PTPRD: variants seen among roughly 807,000 people sequenced by gnomAD.
PTPRD encodes the protein receptor-type tyrosine-protein phosphatase delta.
In PTPRD, 34 loss-of-function variants were observed where a neutral mutation model predicts 214.5. The ratio of observed to expected loss-of-function variants is 0.16; its 90% confidence interval spans 0.12 to 0.21. PTPRD has a LOEUF of 0.21. Among genes scored for constraint, PTPRD ranks in the 10% least tolerant of loss-of-function variants. PTPRD has a pLI of 1.00. For missense variants in PTPRD, 2,545 were observed against 2,398.7 expected (o/e 1.06, Z -1.27); for synonymous variants, 1,128 against 845.7 (o/e 1.33, Z -5.79).
At chr9:10,238,076 C>T (rs1031186235) in intron 3 of PTPRD, among the ~76,000 whole-genome samples, 1 of 151,312 alleles carries the variant, frequency 6.6e-6, no homozygotes, top group Non-Finnish European at 1.5e-5. Flanking sequence ...GTGAAAACAA[C>T]GAAATAGAGC....
intron 2 of PTPRD, among the ~76,000 whole-genome samples, chr9:10,487,966 G>C (rs1336786854): frequency 3.4e-4 from 38 of 110,310 alleles, no homozygotes; most frequent in South Asian, 6.6e-4. Flanking sequence ...AATGAACACA[G>C]TCTCTCTCTC....
chr9:9,251,743 G>C (rs913956112), intron 9 of PTPRD, among the ~76,000 whole-genome samples: 1 of 152,050 alleles, frequency 6.6e-6, no homozygotes, highest in African/African-American at 2.4e-5. Flanking sequence ...ACATTTGAAA[G>C]AAGCCAAAAG....
chr9:9,781,141 T>C (rs972665161), intron 5 of PTPRD, among the ~76,000 whole-genome samples: 1 of 152,054 alleles, frequency 6.6e-6, no homozygotes, highest in African/African-American at 2.4e-5. Flanking sequence ...ACCCATAGAA[T>C]GTACAAGAAC....
At chr9:8,420,574 A>T (rs188202009) in intron 35 of PTPRD, among the ~76,000 whole-genome samples, 54 of 152,238 alleles carry the variant, frequency 3.5e-4, no homozygotes, top group African/African-American at 1.3e-3. Context: ...TCAAAAACAA[A>T]ACGATTATAT....
chr9:10,095,939 C>T (rs1443667478), intron 3 of PTPRD, among the ~76,000 whole-genome samples: 1 of 151,606 alleles, frequency 6.6e-6, no homozygotes, highest in Admixed American at 6.6e-5. Context: ...TATCCAATCT[C>T]TCATGCTTAG....
chr9:9,532,935 C>T (rs1450020768), intron 8 of PTPRD, among the ~76,000 whole-genome samples: 1 of 152,116 alleles, frequency 6.6e-6, no homozygotes, highest in East Asian at 1.9e-4. Context: ...TTTGGTTTTA[C>T]CACATTCATT....
chr9:9,947,510 A>G (rs1176157091), intron 4 of PTPRD, among the ~76,000 whole-genome samples: 1 of 29,692 alleles, frequency 3.4e-5, no homozygotes, highest in Non-Finnish European at 5.2e-5. Context: ...TTTTATATAT[A>G]TAATATATAT....
At chr9:8,357,616 G>C (rs546969510) in intron 39 of PTPRD, among the ~76,000 whole-genome samples, 1 of 152,304 alleles carries the variant, frequency 6.6e-6, no homozygotes, top group African/African-American at 2.4e-5. Flanking sequence ...TCCTTAGTAA[G>C]GAACCCACTC....
intron 14 of PTPRD, among the ~76,000 whole-genome samples, chr9:8,609,459 T>C (rs921792856): frequency 8.5e-5 from 13 of 152,194 alleles, no homozygotes; most frequent in African/African-American, 3.1e-4. Flanking sequence ...ATGATAGAAG[T>C]ATCATGAAAA....
At chr9:10,495,686 G>T (rs958939000) in intron 2 of PTPRD, among the ~76,000 whole-genome samples, 2 of 151,690 alleles carry the variant, frequency 1.3e-5, no homozygotes, top group African/African-American at 4.8e-5. Flanking sequence ...TTCCTAAGTG[G>T]AAACATAGAG....
At chr9:9,786,491 T>A (rs1312648298) in intron 5 of PTPRD, among the ~76,000 whole-genome samples, 1 of 152,196 alleles carries the variant, frequency 6.6e-6, no homozygotes, top group Non-Finnish European at 1.5e-5. Flanking sequence ...GTACCATAAA[T>A]GCTAATACTG....
Position 8,408,378 on chromosome 9 carries a change from T to C in PTPRD, c.4087-3718A>G, listed in dbSNP as rs2093219732. 2.6e-5 allele frequency among the ~76,000 whole-genome samples: 4 copies of C among 152,110 alleles called. No homozygotes were observed. In the South Asian group the frequency reaches 6.2e-4, roughly 24 times the overall value. On this transcript the variant is annotated intron_variant, in intron 35 of 45. Transcript: ENST00000381196. ...TTTTCCTGAGCTTGACTCCTAGATA[T>C]GTCTACTCAACTCTGTCCACCCAAA...
intron 7 of PTPRD, among the ~76,000 whole-genome samples, chr9:9,714,755 C>T (rs919066599): frequency 2.0e-5 from 3 of 152,006 alleles, no homozygotes; most frequent in South Asian, 4.1e-4. Flanking sequence ...TGGCAGAGCC[C>T]ATGGAGGTGA....
At chr9:9,908,124 G>GA (rs2078125531) in intron 5 of PTPRD, among the ~76,000 whole-genome samples, 1 of 150,662 alleles carries the variant, frequency 6.6e-6, no homozygotes, top group Non-Finnish European at 1.5e-5. Flanking sequence ...AAAATTAACA[G>GA]AAAAAAAAGT....
chr9:8,746,379 C>T (rs2092810021), intron 11 of PTPRD, among the ~76,000 whole-genome samples: 1 of 152,164 alleles, frequency 6.6e-6, no homozygotes, highest in Admixed American at 6.5e-5. Flanking sequence ...AATAAAAGCA[C>T]TATGCATTTC....
intron 12 of PTPRD, among the ~76,000 whole-genome samples, chr9:8,720,023 A>C (rs1283146576): frequency 6.6e-6 from 1 of 152,226 alleles, no homozygotes; most frequent in African/African-American, 2.4e-5. Flanking sequence ...TGCTGTGTTA[A>C]AAACCCCTTC....
intron 12 of PTPRD, among the ~76,000 whole-genome samples, chr9:8,672,741 C>G (rs980692676): frequency 6.7e-6 from 1 of 149,888 alleles, no homozygotes; most frequent in Non-Finnish European, 1.5e-5. Context: ...AAAATGGCAA[C>G]TGATTATGAA....
intron 7 of PTPRD, among the ~76,000 whole-genome samples, chr9:9,666,438 A>G (rs2096724043): frequency 6.6e-6 from 1 of 152,002 alleles, no homozygotes; most frequent in Admixed American, 6.6e-5. Flanking sequence ...TCAACTTCTA[A>G]GATCTCACCT....
At chr9:10,490,539 T>C (rs957704604) in intron 2 of PTPRD, among the ~76,000 whole-genome samples, 3 of 152,184 alleles carry the variant, frequency 2.0e-5, no homozygotes, top group African/African-American at 7.2e-5. Flanking sequence ...CCTGGATTAA[T>C]TCAGCCTAAA....
Sources: gnomAD v4.1 joint callset for allele counts (sites outside exome capture counted in the v4.1 genomes callset) on GRCh38, gnomAD v4.1.1 for gene constraint, MANE v1.5 for transcripts, NCBI Gene and HGNC (gene_info 2026-07-23, HGNC 2026-07-21) for gene names.